Variants in ATP6V1G2 observed in about 807,000 individuals in gnomAD.
ATP6V1G2 encodes the protein ATPase H+ transporting V1 subunit G2.
A neutral mutation model predicts 17.8 loss-of-function variants in ATP6V1G2; 14 were observed. The ratio of observed to expected loss-of-function variants is 0.79; its 90% CI spans 0.52 to 1.23. The LOEUF is 1.23. Among genes scored for constraint, ATP6V1G2 ranks in the 50% most tolerant of loss-of-function variants. The pLI is 0.00. For synonymous variants in ATP6V1G2, 57 were observed against 54.8 expected (o/e 1.04, Z -0.17); for missense variants, 112 against 152.2 (o/e 0.74, Z 1.39).
Position 31,546,503 on chromosome 6 carries a change from A to G in ATP6V1G2, c.57T>C (p.Ala19=). Residue 19 remains alanine (A), a synonymous_variant, in exon 1 of 3, where the codon GCT becomes GCC. Coordinates refer to ENST00000303892, the MANE Select transcript of ATP6V1G2 (RefSeq NM_130463.4). The surrounding 1 kb of genome is among the most constrained non-coding windows in gnomAD (Gnocchi z 4.1). ...TCTTTCTGGCATCTGCCACCTTCTC[A>G]GCTGCCCGCTTCTCAGCTTGCAGAA... ...QQLLQAEKRA[A]EKVADARKRK... The G allele has an allele frequency of 6.2e-7, 1 of 1,613,830 alleles. No individual in the cohort carries two copies. Among genetic ancestry groups the G allele is most frequent in the Non-Finnish European group, 8.5e-7 (1 of 1,179,942 alleles).
In ATP6V1G2 at chr6:31,545,938, G is replaced by T; in HGVS notation, c.183+171C>A. 1 of 675,042 alleles carries T rather than the reference G, an allele frequency of 1.5e-6. No individual in the cohort carries two copies. Among genetic ancestry groups the T allele is most frequent in the Non-Finnish European group, 2.6e-6 (1 of 384,888 alleles). The allele number at this position is 675,042 out of a possible 1,614,324, so 41.8% of individuals were successfully genotyped here. On this transcript the variant is annotated intron_variant, in intron 2 of 2. Coordinates refer to ENST00000303892, the MANE Select transcript of ATP6V1G2 (RefSeq NM_130463.4). This position sits in a 1 kb window ranked among gnomAD's most constrained non-coding sequence, Gnocchi z 4.9. ...CTCTATGTGGCCTTCAAAACTCCCA[G>T]ACTCTCCTACATATCATCACAAAGT...
rs542017815 is a variant in ATP6V1G2 at position 31,545,764 on chromosome 6, C to T, written c.184-183G>A. 55 of 690,316 alleles carry T rather than the reference C, an allele frequency of 8.0e-5. No homozygotes were observed. In the African/African-American group the frequency reaches 9.2e-4, roughly 12 times the overall value. 42.8% of individuals were successfully genotyped at this position (690,316 alleles called of 1,614,324 possible). On this transcript the variant is annotated intron_variant, in intron 2 of 2. Coordinates refer to ENST00000303892, the MANE Select transcript of ATP6V1G2 (RefSeq NM_130463.4). This position sits in a 1 kb window ranked among gnomAD's most constrained non-coding sequence, Gnocchi z 4.9. ...CAACACAGTCCCCTTTCCCCTTAGA[C>T]CTAACATGCAACTTCATCCTAAAAC...
chr6:31,545,709 C>G lies in ATP6V1G2; in HGVS notation c.184-128G>C. ...AGGCCCTCTCAGAAACCACCCCCAT[C>G]CCACAGAAATATCCCAACACCAAAG... On this transcript the variant is annotated intron_variant, in intron 2 of 2. Coordinates refer to ENST00000303892, the MANE Select transcript of ATP6V1G2 (RefSeq NM_130463.4). The surrounding 1 kb of genome is among the most constrained non-coding windows in gnomAD (Gnocchi z 4.9). 3 of 1,034,598 alleles carry G rather than the reference C, an allele frequency of 2.9e-6. No individual in the cohort carries two copies. Among genetic ancestry groups the G allele is most frequent in the South Asian group, 1.7e-5 (1 of 60,294 alleles). 64.1% of individuals were successfully genotyped at this position (1,034,598 alleles called of 1,614,324 possible).
rs1768912113 is a variant in ATP6V1G2 at position 31,545,590 on chromosome 6, T to G, written c.184-9A>C. The G allele has an allele frequency of 1.2e-6, 2 of 1,611,230 alleles. No individual in the cohort carries two copies. The highest frequency in any genetic ancestry group is 1.3e-5 in the African/African-American group (1 of 74,246). On this transcript the variant is annotated splice_polypyrimidine_tract_variant and intron_variant, in intron 2 of 2. Transcript: ENST00000303892. The surrounding 1 kb of genome is among the most constrained non-coding windows in gnomAD (Gnocchi z 4.9). The stretch of plus-strand genomic sequence containing the variant: ...CCCTGGGAGCCCATGGCCTGGGGGG[T>G]AGGGAGAGGGGTGGAAGAGAGAAAG...
At position 31,546,081 on chromosome 6, in the gene ATP6V1G2, G is replaced by T. The variant is rs115288880; in HGVS notation, c.183+28C>A. On this transcript the variant is annotated intron_variant, in intron 2 of 2. Transcript: ENST00000303892. The surrounding 1 kb of genome is among the most constrained non-coding windows in gnomAD (Gnocchi z 4.1). ...GATGCACCCACCAACTTGCAGTGGG[G>T]TCTCAACCCGACTCTGCCTCAACTC... is the stretch of plus-strand genomic sequence containing the variant. 18,537 of 1,610,740 alleles carry T rather than the reference G, an allele frequency of 0.012. 391 individuals carry two copies. The highest frequency in any genetic ancestry group is 0.06 in the South Asian group (5,497 of 90,992).
rs116339119 is a variant in ATP6V1G2, at chr6:31,545,266, G to A, written c.*142C>T. ...AGATGTGAGCAGGATATTTATAAGT[G>A]TCACAGGAAAATTATTGGATCCTGC... On this transcript the variant is annotated 3_prime_UTR_variant, in exon 3 of 3. Coordinates refer to ENST00000303892, the MANE Select transcript of ATP6V1G2 (RefSeq NM_130463.4). The surrounding 1 kb of genome is among the most constrained non-coding windows in gnomAD (Gnocchi z 4.9). 229 of 988,104 alleles carry A rather than the reference G, an allele frequency of 2.3e-4. 2 individuals carry two copies. The African/African-American group carries it at 2.7e-3, about 12-fold the overall frequency. 61.2% of individuals were successfully genotyped at this position (988,104 alleles called of 1,614,324 possible).
rs772993085 is a variant in ATP6V1G2, at chr6:31,544,651, A to G, written c.*757T>C. 1 of 451,442 alleles carries G rather than the reference A, an allele frequency of 2.2e-6. No individual in the cohort carries two copies. Among genetic ancestry groups the G allele is most frequent in the South Asian group, 1.6e-5 (1 of 63,540 alleles). The allele number at this position is 451,442 out of a possible 1,614,324, so 28.0% of individuals were successfully genotyped here. A position where few individuals can be genotyped will look rare whatever the true frequency, so the allele number is the denominator to read the frequency against. On this transcript the variant is annotated 3_prime_UTR_variant, in exon 3 of 3. Transcript: ENST00000303892. Reference sequence around the variant, plus strand: ...GGAGGAAAATCTAATAAAGACAAAGATCAGCAAAAGAAAAACAAAGAGAGG... The same window carrying G: ...GGAGGAAAATCTAATAAAGACAAAGGTCAGCAAAAGAAAAACAAAGAGAGG...
rs952678728 is a variant in ATP6V1G2 at position 31,545,688 on chromosome 6, C to T, written c.184-107G>A. The stretch of plus-strand genomic sequence containing the variant: ...CTGAAACAAAGCCTAGAAGAAAGGC[C>T]CTCTCAGAAACCACCCCCATCCCAC... On this transcript the variant is annotated intron_variant, in intron 2 of 2. Coordinates refer to ENST00000303892, the MANE Select transcript of ATP6V1G2 (RefSeq NM_130463.4). The surrounding 1 kb of genome is among the most constrained non-coding windows in gnomAD (Gnocchi z 4.9). The T allele has an allele frequency of 3.1e-6, 4 of 1,289,834 alleles. No homozygotes were observed. The highest frequency in any genetic ancestry group is 3.1e-6 in the Non-Finnish European group (3 of 956,672). The allele number at this position is 1,289,834 out of a possible 1,614,324, so 79.9% of individuals were successfully genotyped here.
At position 31,544,697 on chromosome 6, in the gene ATP6V1G2, C is replaced by T. The variant is rs1047275376; in HGVS notation, c.*711G>A. On this transcript the variant is annotated 3_prime_UTR_variant, in exon 3 of 3. Coordinates refer to ENST00000303892, the MANE Select transcript of ATP6V1G2 (RefSeq NM_130463.4). Reference sequence around the variant, plus strand: ...AGAGGCTACAAAATGCAGTTATCTACCTGGAATTATAAGAGAGGGGCTAAA... The same window carrying T: ...AGAGGCTACAAAATGCAGTTATCTATCTGGAATTATAAGAGAGGGGCTAAA... The T allele has an allele frequency of 1.8e-5, 8 of 456,320 alleles. No homozygotes were observed. Among genetic ancestry groups the T allele is most frequent in the African/African-American group, 4.0e-5 (2 of 50,038 alleles). 28.3% of individuals were successfully genotyped at this position (456,320 alleles called of 1,614,324 possible).
In ATP6V1G2 at chr6:31,546,168, T is replaced by C; in HGVS notation, c.124A>G (p.Met42Val). 1.2e-6 allele frequency: 2 copies of C among 1,614,096 alleles called. No individual in the cohort carries two copies. Among genetic ancestry groups the C allele is most frequent in the South Asian group, 1.1e-5 (1 of 91,082 alleles). Reference sequence around the variant, plus strand: ...TCTCTGCGGTATTGCTCCACCTCCATCTGTGCCTCCTCCTTTGCCTGCTTC... The same window carrying C: ...TCTCTGCGGTATTGCTCCACCTCCACCTGTGCCTCCTCCTTTGCCTGCTTC... ...RLKQAKEEAQMEVEQYRRERE... is the reference protein window; with the variant it reads ...RLKQAKEEAQVEVEQYRRERE... Residue 42 changes from methionine to valine, a missense_variant, in exon 2 of 3, where the codon ATG becomes GTG. Physicochemically the swap from Met to Val is conservative, Grantham distance 21. Coordinates refer to ENST00000303892, the MANE Select transcript of ATP6V1G2 (RefSeq NM_130463.4). The surrounding 1 kb of genome is among the most constrained non-coding windows in gnomAD (Gnocchi z 4.1).
In ATP6V1G2 at chr6:31,546,521, T is replaced by C. The variant is rs1397999006; in HGVS notation, c.39A>G (p.Gln13=). 1.2e-6 allele frequency: 2 copies of C among 1,614,064 alleles called. No homozygotes were observed. The highest frequency in any genetic ancestry group is 1.7e-6 in the Non-Finnish European group (2 of 1,180,042). Residue 13 remains glutamine, a synonymous_variant, in exon 1 of 3, where the codon CAA becomes CAG. Coordinates refer to ENST00000303892, the MANE Select transcript of ATP6V1G2 (RefSeq NM_130463.4). The surrounding 1 kb of genome is among the most constrained non-coding windows in gnomAD (Gnocchi z 4.1). ...SQSQGIQQLL[Q]AEKRAAEKVA... is the part of the protein sequence containing the mutation. ...CCTTCTCAGCTGCCCGCTTCTCAGC[T>C]TGCAGAAGCTGCTGGATACCTTGGG...
rs1334974250 is a variant in ATP6V1G2, at chr6:31,546,571, T to C, written c.-12A>G. The C allele has an allele frequency of 1.9e-6, 3 of 1,612,168 alleles. No individual in the cohort carries two copies. The highest frequency in any genetic ancestry group is 2.2e-5 in the East Asian group (1 of 44,882). On this transcript the variant is annotated 5_prime_UTR_variant, in exon 1 of 3. Coordinates refer to ENST00000303892, the MANE Select transcript of ATP6V1G2 (RefSeq NM_130463.4). This position sits in a 1 kb window ranked among gnomAD's most constrained non-coding sequence, Gnocchi z 4.1. ...GACTGACTGGCCATTTCTGTTGTTA[T>C]GGCCGATGCTGTTTTGAATGCTGTC...
Position 31,545,638 on chromosome 6 carries a change from G to T in ATP6V1G2, c.184-57C>A. The T allele has an allele frequency of 6.4e-7, 1 of 1,563,664 alleles. No individual in the cohort carries two copies. ...AAGGGAAAAGCAGAAACAGACAAGG[G>T]TCCAGGCATATGAGGGGAAAGATCC... On this transcript the variant is annotated intron_variant, in intron 2 of 2. Transcript: ENST00000303892. The surrounding 1 kb of genome is among the most constrained non-coding windows in gnomAD (Gnocchi z 4.9).
In ATP6V1G2 at chr6:31,545,535, G is replaced by A. The variant is rs1223371774; in HGVS notation, c.230C>T (p.Thr77Ile). Residue 77 changes from threonine (T) to isoleucine (I), a missense_variant, in exon 3 of 3, where the codon ACA (threonine) becomes ATA (isoleucine). Transcript: ENST00000303892. This position sits in a 1 kb window ranked among gnomAD's most constrained non-coding sequence, Gnocchi z 4.9. Reference protein sequence around the residue: ...GNLSAEVEQATRRQVQGMQSS... With the variant: ...GNLSAEVEQAIRRQVQGMQSS... ...CTGCATGCCCTGCACCTGGCGCCTT[G>A]TAGCCTGCTCCACCTCAGCAGACAG... 2.5e-6 allele frequency: 4 copies of A among 1,613,908 alleles called. No individual in the cohort carries two copies. Among genetic ancestry groups the A allele is most frequent in the South Asian group, 2.2e-5 (2 of 91,060 alleles).
chr6:31,546,633 T>C, upstream of ATP6V1G2: 1 of 1,390,854 alleles, frequency 7.2e-7, no homozygotes, highest in East Asian at 2.3e-5. The surrounding 1 kb of genome is among the most constrained non-coding windows in gnomAD (Gnocchi z 4.1). Flanking sequence ...ACCGCTTACT[T>C]CTCCTCCTCC....
In ATP6V1G2 at chr6:31,545,615, G is replaced by C. The variant is rs1438285100; in HGVS notation, c.184-34C>G. On this transcript the variant is annotated intron_variant, in intron 2 of 2. Coordinates refer to ENST00000303892, the MANE Select transcript of ATP6V1G2 (RefSeq NM_130463.4). The surrounding 1 kb of genome is among the most constrained non-coding windows in gnomAD (Gnocchi z 4.9). ...TAGGGAGAGGGGTGGAAGAGAGAAA[G>C]GGAAAAGCAGAAACAGACAAGGGTC... 1.2e-6 allele frequency: 2 copies of C among 1,603,932 alleles called. No individual in the cohort carries two copies. The highest frequency in any genetic ancestry group is 1.7e-6 in the Non-Finnish European group (2 of 1,175,030).
In ATP6V1G2 at chr6:31,545,178, A is replaced by G. The variant is rs1768863112; in HGVS notation, c.*230T>C. The stretch of plus-strand genomic sequence containing the variant: ...ATATTACAAATTTCACAGAGGGTTT[A>G]GGTGAGAATGACTTGGAAGTTTACA... On this transcript the variant is annotated 3_prime_UTR_variant, in exon 3 of 3. Coordinates refer to ENST00000303892, the MANE Select transcript of ATP6V1G2 (RefSeq NM_130463.4). The surrounding 1 kb of genome is among the most constrained non-coding windows in gnomAD (Gnocchi z 4.9). 10 of 608,472 alleles carry G rather than the reference A, an allele frequency of 1.6e-5. 1 individual carries two copies. The South Asian group carries it at 1.9e-4, about 12-fold the overall frequency. The allele number at this position is 608,472 out of a possible 1,614,324, so 37.7% of individuals were successfully genotyped here.
chr6:31,546,402 GT>G lies in ATP6V1G2; in HGVS notation c.82+75del. The G allele has an allele frequency of 6.7e-7, 1 of 1,498,950 alleles. No homozygotes were observed. The highest frequency in any genetic ancestry group is 1.2e-5 in the South Asian group (1 of 86,216). The allele number at this position is 1,498,950 out of a possible 1,614,324, so 92.9% of individuals were successfully genotyped here. A position where few individuals can be genotyped will look rare whatever the true frequency, so the allele number is the denominator to read the frequency against. On this transcript the variant is annotated intron_variant, in intron 1 of 2. Transcript: ENST00000303892. This position sits in a 1 kb window ranked among gnomAD's most constrained non-coding sequence, Gnocchi z 4.1. The stretch of plus-strand genomic sequence containing the variant: ...CTGTCTGTCTTCCCGCCAGCCTTGG[GT>G]TTTCCCAAAATGTTTGCTGTCCCCC...
In ATP6V1G2 at chr6:31,546,048, C is replaced by T; in HGVS notation, c.183+61G>A. The T allele has an allele frequency of 8.4e-6, 13 of 1,540,748 alleles. No individual in the cohort carries two copies. Among genetic ancestry groups the T allele is most frequent in the Non-Finnish European group, 1.2e-5 (13 of 1,113,338 alleles). Reference sequence around the variant, plus strand: ...TTTCTTGTTGAGTCACCCTTACACACCTCACTAGATGCACCCACCAACTTG... The same window carrying T: ...TTTCTTGTTGAGTCACCCTTACACATCTCACTAGATGCACCCACCAACTTG... On this transcript the variant is annotated intron_variant, in intron 2 of 2. Transcript: ENST00000303892. The surrounding 1 kb of genome is among the most constrained non-coding windows in gnomAD (Gnocchi z 4.1).
Sources: allele counts gnomAD v4.1 joint callset, GRCh38; gene constraint gnomAD v4.1.1; non-coding constraint Gnocchi (gnomAD v3.1); transcripts MANE v1.5; gene names NCBI Gene and HGNC (gene_info 2026-07-23, HGNC 2026-07-21).